CLIP2: variants seen among roughly 807,000 people sequenced by gnomAD.
CLIP2 encodes CAP-Gly domain-containing linker protein 2.
CLIP2 carries 41 observed loss-of-function variants against 111.7 expected under a neutral mutation model. That is an observed-to-expected ratio of 0.37 (90% CI 0.29 to 0.48). The LOEUF (loss-of-function observed/expected upper bound fraction) is 0.48. CLIP2 is among the 20% of genes least tolerant of loss of function. The pLI, the probability that CLIP2 is intolerant of heterozygous loss-of-function variation, is 0.99. For synonymous variants in CLIP2, 660 were observed against 644.2 expected, an observed-to-expected ratio of 1.02 and a Z score of -0.37; for missense variants, 1,160 against 1,422.1, an observed-to-expected ratio of 0.82 and a Z score of 2.96.
Position 74,322,545 on chromosome 7 carries a change from C to T in CLIP2, c.121+4878C>T, listed in dbSNP as rs546116780. Among the ~76,000 whole-genome samples the T allele has an allele frequency of 2.0e-5, 3 of 152,164 alleles. No homozygotes were observed. The East Asian group carries it at 5.9e-4, about 30-fold the overall frequency. ...GAGCCGAGACCACACCACTGCACTC[C>T]AGCCTGGGCAACAGAGTGAGACTCC... On this transcript the variant is annotated intron_variant, in intron 2 of 16. Coordinates refer to ENST00000223398, the MANE Select transcript of CLIP2 (RefSeq NM_003388.5).
chr7:74,296,216 G>T (rs1788164802), intron 1 of CLIP2, among the ~76,000 whole-genome samples: 1 of 151,992 alleles, frequency 6.6e-6, no homozygotes, highest in Non-Finnish European at 1.5e-5. Flanking sequence ...AAACAACCCT[G>T]CTGTGCCCAG....
In CLIP2 at chr7:74,372,937, G is replaced by A; in HGVS notation, c.1386G>A (p.Gln462=). The stretch of plus-strand genomic sequence containing the variant: ...GTCCACCCTGGGTGGACCAGACCCA[G>A]ACGCAGCTGGAGCACGCGCGCATTG... ...ESITKGDLET[Q]TQLEHARIGE... Residue 462 remains glutamine, a synonymous_variant, in exon 9 of 17, where the codon CAG becomes CAA. Coordinates refer to ENST00000223398, the MANE Select transcript of CLIP2 (RefSeq NM_003388.5). 2 of 1,293,764 alleles carry A rather than the reference G, an allele frequency of 1.5e-6. No individual in the cohort carries two copies. The allele number at this position is 1,293,764 out of a possible 1,614,324, so 80.1% of individuals were successfully genotyped here.
intron 2 of CLIP2, among the ~76,000 whole-genome samples, chr7:74,326,472 T>G (rs1467935454): frequency 1.3e-5 from 2 of 152,172 alleles, no homozygotes; most frequent in African/African-American, 4.8e-5. Context: ...TCCCCTAACA[T>G]TCCTGTGGCC....
At chr7:74,336,229 G>A (rs1490907037) in intron 2 of CLIP2, among the ~76,000 whole-genome samples, 1 of 151,484 alleles carries the variant, frequency 6.6e-6, no homozygotes, top group Admixed American at 6.6e-5. Context: ...CACCACGCCT[G>A]GCTAATTTTT....
chr7:74,334,181 A>G (rs1789381526), intron 2 of CLIP2, among the ~76,000 whole-genome samples: 1 of 152,202 alleles, frequency 6.6e-6, no homozygotes, highest in Admixed American at 6.6e-5. Flanking sequence ...GGAATTTCCC[A>G]TGGTTTCTCA....
At chr7:74,344,529 G>A (rs1789748996) in intron 3 of CLIP2, among the ~76,000 whole-genome samples, 1 of 152,006 alleles carries the variant, frequency 6.6e-6, no homozygotes, top group Non-Finnish European at 1.5e-5. Context: ...CTACAGATGT[G>A]CACCACCATG....
intron 3 of CLIP2, among the ~76,000 whole-genome samples, chr7:74,347,560 G>T (rs1486467218): frequency 6.6e-6 from 1 of 152,068 alleles, no homozygotes; most frequent in African/African-American, 2.4e-5. Context: ...GAGCCACCGC[G>T]TCCGGCCAAA....
At chr7:74,365,067 A>T (rs1277373137) in intron 8 of CLIP2, among the ~76,000 whole-genome samples, 5 of 148,982 alleles carry the variant, frequency 3.4e-5, no homozygotes, top group Admixed American at 6.8e-5. Flanking sequence ...CTCAAAAAAA[A>T]GAATGGATGT....
At position 74,356,962 on chromosome 7, in the gene CLIP2, C is replaced by T. The variant is rs201397957; in HGVS notation, c.1018-318C>T. Among the ~76,000 whole-genome samples, 28 of 152,194 alleles carry T rather than the reference C, an allele frequency of 1.8e-4. No individual in the cohort carries two copies. The East Asian group carries it at 4.8e-3, about 26-fold the overall frequency. ...TGGCTATGGGCAGAGGGCATTCTGT[C>T]CAAACCCAATCTAGGATTGGAGGTT... On this transcript the variant is annotated intron_variant, in intron 5 of 16. Coordinates refer to ENST00000223398, the MANE Select transcript of CLIP2 (RefSeq NM_003388.5).
At chr7:74,370,250 A>T (rs568503983) in intron 8 of CLIP2, among the ~76,000 whole-genome samples, 2 of 150,598 alleles carry the variant, frequency 1.3e-5, no homozygotes, top group East Asian at 3.9e-4. Context: ...AGGTCAGGGG[A>T]TCGAAACCAT....
chr7:74,291,032 C>T (rs1023681904), intron 1 of CLIP2, among the ~76,000 whole-genome samples: 1 of 152,066 alleles, frequency 6.6e-6, no homozygotes, highest in Non-Finnish European at 1.5e-5. Context: ...GGAGAAATAG[C>T]GTGAATAAGG....
intron 11 of CLIP2, among the ~76,000 whole-genome samples, chr7:74,381,961 T>TC (rs1219453393): frequency 6.6e-6 from 1 of 152,194 alleles, no homozygotes; most frequent in Non-Finnish European, 1.5e-5. Flanking sequence ...AAAACCTGTT[T>TC]CCCCTCAAAC....
At chr7:74,388,778 G>A (rs556661204) in intron 12 of CLIP2, 91 of 186,100 alleles carry the variant, frequency 4.9e-4, no homozygotes, top group African/African-American at 2.1e-3. Context: ...CTGGGTGACA[G>A]AGTGAGACTT....
intron 8 of CLIP2, 45 bp from the exon 9 acceptor site, chr7:74,372,883 CTGCG>C: frequency 1.7e-6 from 1 of 593,292 alleles, no homozygotes; most frequent in East Asian, 3.3e-5. Context: ...GCCCCCCTCC[CTGCG>C]TCCCCGCCCC....
At chr7:74,357,731 A>T (rs1247411562) in intron 6 of CLIP2, among the ~76,000 whole-genome samples, 2 of 151,016 alleles carry the variant, frequency 1.3e-5, no homozygotes, top group African/African-American at 2.4e-5. Context: ...CTGCTTTTTA[A>T]TTATTTATTT....
chr7:74,397,697 C>T (rs1172253650), intron 14 of CLIP2, among the ~76,000 whole-genome samples: 2 of 134,970 alleles, frequency 1.5e-5, no homozygotes, highest in African/African-American at 2.8e-5. Flanking sequence ...GACAGAGTCT[C>T]GCTCTGTTGC....
rs199963178 is a variant in CLIP2 at position 74,389,090 on chromosome 7, C to T, written c.2564-13C>T. ...CCAATCCTCTTCCTCCCTTCCCTGC[C>T]GGCTGACCCCAGCGCTGGAGAGCAA... On this transcript the variant is annotated splice_polypyrimidine_tract_variant and intron_variant, in intron 12 of 16. Coordinates refer to ENST00000223398, the MANE Select transcript of CLIP2 (RefSeq NM_003388.5). 7.5e-5 allele frequency: 119 copies of T among 1,597,146 alleles called. No homozygotes were observed. Among genetic ancestry groups the T allele is most frequent in the African/African-American group, 6.9e-4 (51 of 74,420 alleles).
intron 10 of CLIP2, 81 bp from the exon 11 acceptor site, chr7:74,380,725 G>A: frequency 8.5e-7 from 1 of 1,182,428 alleles, no homozygotes; most frequent in Non-Finnish European, 1.2e-6. Context: ...TGTGCAAACT[G>A]CAGGTGTGCT....
chr7:74,330,982 A>G (rs1789260423), intron 2 of CLIP2, among the ~76,000 whole-genome samples: 1 of 151,932 alleles, frequency 6.6e-6, no homozygotes, highest in African/African-American at 2.4e-5. Context: ...AGGTGGGTGG[A>G]TCACCTGAGG....
Sources: gnomAD v4.1 joint callset for allele counts (sites outside exome capture counted in the v4.1 genomes callset) on GRCh38, gnomAD v4.1.1 for gene constraint, MANE v1.5 for transcripts, NCBI Gene and HGNC (gene_info 2026-07-23, HGNC 2026-07-21) for gene names.